Variants in CAMK2D observed in about 807,000 individuals in gnomAD.
CAMK2D encodes the protein calcium/calmodulin dependent protein kinase II delta, also known as calcium/calmodulin-dependent protein kinase type II subunit delta.
Under a neutral mutation model 84.0 loss-of-function variants are expected in CAMK2D, and 37 were observed. The ratio of observed to expected loss-of-function variants is 0.44; its 90% CI spans 0.34 to 0.58. CAMK2D has a LOEUF of 0.58. Among genes scored for constraint, CAMK2D ranks in the 20% least tolerant of loss-of-function variants. The pLI is 0.02. For missense variants in CAMK2D, 448 were observed against 652.5 expected (o/e 0.69, Z 3.41); for synonymous variants, 202 against 212.5 (o/e 0.95, Z 0.43).
intron 1 of CAMK2D, among the ~76,000 whole-genome samples, chr4:113,760,633 T>C (rs1308549402): frequency 1.3e-5 from 2 of 152,102 alleles, no homozygotes; most frequent in Non-Finnish European, 2.9e-5. Flanking sequence ...CTATGTTGCA[T>C]TTTACATGGG....
At chr4:113,561,891 C>A (rs748971805) in intron 4 of CAMK2D, among the ~76,000 whole-genome samples, 3 of 152,158 alleles carry the variant, frequency 2.0e-5, no homozygotes, top group Non-Finnish European at 2.9e-5. Flanking sequence ...CTACACATAT[C>A]ATCAGACAAC....
chr4:113,653,690 T>C (rs2154304100), intron 3 of CAMK2D, among the ~76,000 whole-genome samples: 1 of 152,222 alleles, frequency 6.6e-6, no homozygotes, highest in African/African-American at 2.4e-5. Flanking sequence ...CTTTCCTATG[T>C]GATTTTGTTT....
intron 3 of CAMK2D, among the ~76,000 whole-genome samples, chr4:113,610,304 G>A (rs181915211): frequency 2.0e-5 from 3 of 152,230 alleles, no homozygotes; most frequent in African/African-American, 7.2e-5. Context: ...AGAAGGCAGG[G>A]AAAGCAACAA....
intron 3 of CAMK2D, among the ~76,000 whole-genome samples, chr4:113,617,370 G>C (rs2099025441): frequency 6.6e-6 from 1 of 151,836 alleles, no homozygotes; most frequent in Non-Finnish European, 1.5e-5. Context: ...GGCTGAGGCA[G>C]GAGAATCGCT....
At chr4:113,605,695 G>GA (rs2098974029) in intron 4 of CAMK2D, among the ~76,000 whole-genome samples, 1 of 151,948 alleles carries the variant, frequency 6.6e-6, no homozygotes, top group South Asian at 2.1e-4. Flanking sequence ...AGTAAATATA[G>GA]AAAAAATAAA....
intron 18 of CAMK2D, 139 bp from the exon 19 acceptor site, chr4:113,457,702 G>T (rs1022209774): frequency 2.0e-5 from 13 of 654,266 alleles, no homozygotes; most frequent in Non-Finnish European, 3.4e-5. Flanking sequence ...TCTACTATTT[G>T]TACTAATTGG....
rs140008285 is a variant in CAMK2D, at chr4:113,451,355, T to A, written c.*3190A>T. 6.6e-6 allele frequency: 1 copy of A among 152,328 alleles called. No individual in the cohort carries two copies. Among genetic ancestry groups the A allele is most frequent in the Non-Finnish European group, 1.5e-5 (1 of 68,028 alleles). 9.4% of individuals were successfully genotyped at this position (152,328 alleles called of 1,614,324 possible). A position where few individuals can be genotyped will look rare whatever the true frequency, so the allele number is the denominator to read the frequency against. On this transcript the variant is annotated 3_prime_UTR_variant, in exon 21 of 21. Transcript: ENST00000511664. ...GTTGTATACCCTCGTGAGCAAAGAA[T>A]AATAACAATAGGAATATTAATGTCA...
At chr4:113,737,123 TA>T (rs2099583102) in intron 2 of CAMK2D, among the ~76,000 whole-genome samples, 6 of 152,216 alleles carry the variant, frequency 3.9e-5, no homozygotes, top group Admixed American at 1.3e-4. Context: ...ATCACTGATA[TA>T]CTTTCTTTCT....
intron 2 of CAMK2D, among the ~76,000 whole-genome samples, chr4:113,663,261 A>G (rs1421760562): frequency 6.6e-6 from 1 of 152,182 alleles, no homozygotes; most frequent in African/African-American, 2.4e-5. Flanking sequence ...TAACAGCAAT[A>G]CCATAAATAT....
intron 5 of CAMK2D, among the ~76,000 whole-genome samples, chr4:113,551,827 T>C (rs940271160): frequency 3.9e-5 from 6 of 152,140 alleles, no homozygotes; most frequent in African/African-American, 1.4e-4. Context: ...TTGTTTTTCC[T>C]TGTTGTTTTT....
chr4:113,708,990 G>T lies in CAMK2D; in HGVS notation c.161-47218C>A, dbSNP rs1228173063. The stretch of plus-strand genomic sequence containing the variant: ...ACCCACCTTGGCCTCCCAAAGTGCT[G>T]GGATTACAGGTGTGAACCACCGCGC... On this transcript the variant is annotated intron_variant, in intron 2 of 20. Transcript: ENST00000511664. Among the ~76,000 whole-genome samples, 5 of 152,038 alleles carry T rather than the reference G, an allele frequency of 3.3e-5. No individual in the cohort carries two copies. In the East Asian group the frequency reaches 7.7e-4, roughly 24 times the overall value.
chr4:113,516,214 A>G (rs2098281469), intron 9 of CAMK2D, among the ~76,000 whole-genome samples: 1 of 152,170 alleles, frequency 6.6e-6, no homozygotes, highest in Middle Eastern at 3.2e-3. Context: ...TAATATCTGT[A>G]ATTTTTGCCA....
At chr4:113,637,785 T>C (rs1426327566) in intron 3 of CAMK2D, among the ~76,000 whole-genome samples, 1 of 152,140 alleles carries the variant, frequency 6.6e-6, no homozygotes, top group Admixed American at 6.5e-5. Context: ...TTTTAATCCA[T>C]AGGTTGGTTC....
At chr4:113,579,823 C>G (rs373047120) in intron 4 of CAMK2D, among the ~76,000 whole-genome samples, 1 of 152,160 alleles carries the variant, frequency 6.6e-6, no homozygotes, top group Non-Finnish European at 1.5e-5. Context: ...AAACAGAGAA[C>G]TTTATTAAAA....
chr4:113,589,168 G>A (rs751690008), intron 4 of CAMK2D, among the ~76,000 whole-genome samples: 1 of 152,124 alleles, frequency 6.6e-6, no homozygotes, highest in African/African-American at 2.4e-5. Flanking sequence ...TGGCAATGGA[G>A]TGTTTTGAGC....
intron 2 of CAMK2D, among the ~76,000 whole-genome samples, chr4:113,679,104 A>G (rs1310094807): frequency 6.6e-6 from 1 of 152,114 alleles, no homozygotes; most frequent in Non-Finnish European, 1.5e-5. Context: ...AACACATTCC[A>G]CTCACCTAAT....
chr4:113,581,403 C>T (rs1411122342), intron 4 of CAMK2D, among the ~76,000 whole-genome samples: 2 of 151,424 alleles, frequency 1.3e-5, no homozygotes, highest in Non-Finnish European at 2.9e-5. Context: ...ATCCCAGCTA[C>T]GTGGGAGGCT....
chr4:113,717,066 C>T (rs930280164), intron 2 of CAMK2D, among the ~76,000 whole-genome samples: 2 of 152,060 alleles, frequency 1.3e-5, no homozygotes, highest in East Asian at 1.9e-4. Context: ...GTTTTAAAAG[C>T]GATCAGGTTC....
chr4:113,637,674 T>C (rs1379877967), intron 3 of CAMK2D, among the ~76,000 whole-genome samples: 1 of 152,140 alleles, frequency 6.6e-6, no homozygotes, highest in Non-Finnish European at 1.5e-5. Flanking sequence ...CCCTTAGAGA[T>C]TTACTGTGGT....
Sources: gnomAD v4.1 joint callset for allele counts (sites outside exome capture counted in the v4.1 genomes callset) on GRCh38, gnomAD v4.1.1 for gene constraint, MANE v1.5 for transcripts, NCBI Gene and HGNC (gene_info 2026-07-23, HGNC 2026-07-21) for gene names.